STAG1: variants seen among roughly 807,000 people sequenced by gnomAD.
STAG1 encodes STAG1 cohesin complex component, also known as cohesin subunit SA-1.
A neutral mutation model predicts 170.9 loss-of-function variants in STAG1; 26 were observed. That is an observed-to-expected ratio of 0.15 (90% CI 0.11 to 0.21). The LOEUF is 0.21. Ranked by LOEUF, STAG1 falls within the 10% of genes least tolerant of loss-of-function variation. The pLI, the probability that STAG1 is intolerant of heterozygous loss-of-function variation, is 1.00. For missense variants in STAG1, 964 were observed against 1,509.5 expected (o/e 0.64, Z 5.99); for synonymous variants, 514 against 497.7 (o/e 1.03, Z -0.44).
intron 1 of STAG1, among the ~76,000 whole-genome samples, chr3:136,723,068 T>C (rs1933397221): frequency 6.6e-6 from 1 of 152,192 alleles, no homozygotes; most frequent in Non-Finnish European, 1.5e-5. Flanking sequence ...GCCGCCTGCC[T>C]TGGCCTCCCA....
intron 5 of STAG1, among the ~76,000 whole-genome samples, chr3:136,544,974 T>G (rs1162351255): frequency 6.6e-6 from 1 of 152,196 alleles, no homozygotes; most frequent in Non-Finnish European, 1.5e-5. Flanking sequence ...ATAAATAAAA[T>G]GTAATCTAGT....
intron 7 of STAG1, among the ~76,000 whole-genome samples, chr3:136,506,016 A>T (rs1933741853): frequency 6.6e-6 from 1 of 152,180 alleles, no homozygotes; most frequent in Non-Finnish European, 1.5e-5. Flanking sequence ...ATTATAAGAG[A>T]GTTACTAGGA....
chr3:136,337,971 C>CAG lies in STAG1; in HGVS notation c.*282_*283insCT. The CAG allele has an allele frequency of 9.3e-6, 3 of 322,336 alleles. No individual in the cohort carries two copies. Among genetic ancestry groups the CAG allele is most frequent in the Non-Finnish European group, 1.7e-5 (3 of 177,124 alleles). The allele number at this position is 322,336 out of a possible 1,614,324, so 20.0% of individuals were successfully genotyped here. A position where few individuals can be genotyped will look rare whatever the true frequency, so the allele number is the denominator to read the frequency against. ...CAGCTGTTTTAAAAATTTAAAATTT[C>CAG]TTCCTCCCTCCAGAAAAACACACAC... On this transcript the variant is annotated 3_prime_UTR_variant, in exon 34 of 34. Transcript: ENST00000383202.
In STAG1 at chr3:136,472,039, T is replaced by C. The variant is rs533933425; in HGVS notation, c.1205+374A>G. On this transcript the variant is annotated intron_variant, in intron 12 of 33. Coordinates refer to ENST00000383202, the MANE Select transcript of STAG1 (RefSeq NM_005862.3). ...CATTTGTAGAGACAGGGTCTCCCCT[T>C]TTGCCCAGGCTGGTCTTGAACCCCT... Among the ~76,000 whole-genome samples the C allele has an allele frequency of 3.9e-5, 6 of 152,192 alleles. No homozygotes were observed. The East Asian group carries it at 1.2e-3, about 29-fold the overall frequency.
At chr3:136,550,540 C>T (rs1201090516) in intron 5 of STAG1, among the ~76,000 whole-genome samples, 1 of 152,114 alleles carries the variant, frequency 6.6e-6, no homozygotes, top group African/African-American at 2.4e-5. Context: ...ATCTCCTGAC[C>T]TTGTGATCCA....
At chr3:136,551,247 GAGA>G (rs1214100723) in intron 5 of STAG1, among the ~76,000 whole-genome samples, 5 of 147,062 alleles carry the variant, frequency 3.4e-5, no homozygotes, top group Non-Finnish European at 7.5e-5. Context: ...GAGAGAGAGA[GAGA>G]GAGAGAGAGA....
chr3:136,625,730 A>C (rs1576683248), intron 2 of STAG1, among the ~76,000 whole-genome samples: 1 of 151,562 alleles, frequency 6.6e-6, no homozygotes, highest in African/African-American at 2.4e-5. Context: ...CACAATCACC[A>C]CTCCCCATGA....
At chr3:136,487,168 C>T (rs917217491) in intron 9 of STAG1, among the ~76,000 whole-genome samples, 1 of 152,046 alleles carries the variant, frequency 6.6e-6, no homozygotes, top group African/African-American at 2.4e-5. Context: ...TGTGCTGTTC[C>T]CCTCTGTGTG....
chr3:136,442,423 T>C (rs1181438230), intron 15 of STAG1, among the ~76,000 whole-genome samples: 1 of 152,180 alleles, frequency 6.6e-6, no homozygotes, highest in Non-Finnish European at 1.5e-5. Flanking sequence ...CAGAACACAA[T>C]CTCTTTATTA....
At chr3:136,663,189 G>A (rs969028546) in intron 1 of STAG1, among the ~76,000 whole-genome samples, 2 of 151,892 alleles carry the variant, frequency 1.3e-5, no homozygotes, top group African/African-American at 2.4e-5. Flanking sequence ...TTTTAAAAAG[G>A]ATATATATGT....
intron 1 of STAG1, among the ~76,000 whole-genome samples, chr3:136,671,156 A>G (rs961317034): frequency 6.6e-6 from 1 of 151,974 alleles, no homozygotes; most frequent in African/African-American, 2.4e-5. Context: ...ATGGTGGCGC[A>G]GCCTGTAATC....
intron 23 of STAG1, among the ~76,000 whole-genome samples, chr3:136,371,206 G>GT (rs1553794616): frequency 1.3e-5 from 2 of 151,976 alleles, no homozygotes; most frequent in African/African-American, 2.4e-5. Flanking sequence ...TGATGTGGTT[G>GT]TTTTTTTCTT....
At chr3:136,468,890 T>A (rs1363223414) in intron 12 of STAG1, among the ~76,000 whole-genome samples, 1 of 152,098 alleles carries the variant, frequency 6.6e-6, no homozygotes, top group South Asian at 2.1e-4. Flanking sequence ...AAAAACGACA[T>A]GATTATCTCA....
At chr3:136,569,104 C>T (rs1206516350) in intron 4 of STAG1, among the ~76,000 whole-genome samples, 1 of 151,990 alleles carries the variant, frequency 6.6e-6, no homozygotes, top group Non-Finnish European at 1.5e-5. Flanking sequence ...TCGGACCTTA[C>T]CAATCCCATT....
At chr3:136,418,360 C>CAAAAAAAAAAAAA (rs767401141) in intron 20 of STAG1, among the ~76,000 whole-genome samples, 15 of 49,760 alleles carry the variant, frequency 3.0e-4, no homozygotes, top group Admixed American at 1.0e-3. Context: ...ACTCTGTCTC[C>CAAAAAAAAAAAAA]AAAAAAAAAA....
At chr3:136,646,338 C>T (rs182561541) in intron 1 of STAG1, among the ~76,000 whole-genome samples, 1 of 152,248 alleles carries the variant, frequency 6.6e-6, no homozygotes, top group Admixed American at 6.5e-5. Flanking sequence ...GTCCGTGGCT[C>T]CCTTTCTGAT....
Position 136,749,976 on chromosome 3 carries a change from CAAATA to C in STAG1, c.-84+2214_-84+2218del, listed in dbSNP as rs377642539. Among the ~76,000 whole-genome samples the C allele has an allele frequency of 2.6e-4, 40 of 151,006 alleles. No individual in the cohort carries two copies. The East Asian group carries it at 6.2e-3, about 24-fold the overall frequency. On this transcript the variant is annotated intron_variant, in intron 1 of 33. Transcript: ENST00000383202. ...GATATAAAGATACAGGACAAAACAACAAATAAAAGGGGAAACAAGAACGTATCTTT... is the reference window on the plus strand; with the variant it reads ...GATATAAAGATACAGGACAAAACAACAAAGGGGAAACAAGAACGTATCTTT...
intron 1 of STAG1, among the ~76,000 whole-genome samples, chr3:136,678,958 CA>C (rs1942238821): frequency 1.1e-5 from 1 of 89,282 alleles, no homozygotes; most frequent in Admixed American, 1.3e-4. Flanking sequence ...GAGAGCAGGG[CA>C]AATTTTATTT....
At chr3:136,457,072 C>T (rs1242746772) in intron 13 of STAG1, among the ~76,000 whole-genome samples, 1 of 152,162 alleles carries the variant, frequency 6.6e-6, no homozygotes, top group Non-Finnish European at 1.5e-5. Flanking sequence ...GCAGGATTGG[C>T]TTGTCTGTCA....
Sources: allele counts gnomAD v4.1 joint callset (sites outside exome capture counted in the v4.1 genomes callset), GRCh38; gene constraint gnomAD v4.1.1; transcripts MANE v1.5; gene names NCBI Gene and HGNC (gene_info 2026-07-23, HGNC 2026-07-21).